The following HIVEP2 variants were observed in gnomAD, a reference collection of about 807,000 sequenced individuals.
HIVEP2 encodes the protein HIVEP zinc finger 2, also known as transcription factor HIVEP2.
Under a neutral mutation model 180.7 loss-of-function variants are expected in HIVEP2, and 14 were observed. The ratio of observed to expected loss-of-function variants is 0.08; its 90% CI spans 0.05 to 0.12. The LOEUF (loss-of-function observed/expected upper bound fraction) is 0.12. Ranked by LOEUF, HIVEP2 falls within the 10% of genes least tolerant of loss-of-function variation. HIVEP2 has a pLI of 1.00. For synonymous variants in HIVEP2, 1,184 were observed against 1,136.4 expected, an observed-to-expected ratio of 1.04 and a Z score of -0.84; for missense variants, 2,579 against 3,008.5, an observed-to-expected ratio of 0.86 and a Z score of 3.34.
intron 2 of HIVEP2, among the ~76,000 whole-genome samples, chr6:142,829,607 C>T (rs1181140356): frequency 6.6e-6 from 1 of 152,224 alleles, no homozygotes; most frequent in East Asian, 1.9e-4. Flanking sequence ...GGCTGAAATG[C>T]AGACTTACTC....
At chr6:142,833,709 T>C (rs1202574076) in intron 2 of HIVEP2, among the ~76,000 whole-genome samples, 1 of 152,256 alleles carries the variant, frequency 6.6e-6, no homozygotes, top group Middle Eastern at 3.4e-3. Flanking sequence ...AAAATAATTT[T>C]GGAAAAATGA....
chr6:142,803,493 C>T (rs930363054), intron 2 of HIVEP2, among the ~76,000 whole-genome samples: 1 of 151,182 alleles, frequency 6.6e-6, no homozygotes, highest in African/African-American at 2.4e-5. Context: ...TGTGAAGCAA[C>T]TGCTGTCTGC....
At chr6:142,886,529 GAC>G (rs1246416415) in intron 1 of HIVEP2, among the ~76,000 whole-genome samples, 3 of 152,132 alleles carry the variant, frequency 2.0e-5, no homozygotes, top group Non-Finnish European at 2.9e-5. Context: ...CAAATGTGCT[GAC>G]ACAATGAACA....
intron 7 of HIVEP2, among the ~76,000 whole-genome samples, chr6:142,761,852 A>C (rs1775247893): frequency 1.3e-5 from 2 of 152,218 alleles, no homozygotes; most frequent in South Asian, 4.1e-4. Flanking sequence ...AAGCAAGACT[A>C]GAAATCCCAG....
chr6:142,804,406 G>T (rs935467848), intron 2 of HIVEP2, among the ~76,000 whole-genome samples: 1 of 152,058 alleles, frequency 6.6e-6, no homozygotes, highest in Non-Finnish European at 1.5e-5. Context: ...AGAACATCAG[G>T]ATTCATAACT....
At chr6:142,791,124 G>A (rs2114722321) in intron 2 of HIVEP2, among the ~76,000 whole-genome samples, 1 of 152,132 alleles carries the variant, frequency 6.6e-6, no homozygotes, top group East Asian at 1.9e-4. Context: ...CCTGTGTAGA[G>A]ATATACAACC....
At chr6:142,867,099 CGT>C (rs1562271511) in intron 1 of HIVEP2, among the ~76,000 whole-genome samples, 1 of 152,024 alleles carries the variant, frequency 6.6e-6, no homozygotes, top group African/African-American at 2.4e-5. Context: ...AATAATTGGA[CGT>C]GTGTGTTAGT....
chr6:142,781,224 T>C (rs1220955224), intron 3 of HIVEP2, among the ~76,000 whole-genome samples: 1 of 152,196 alleles, frequency 6.6e-6, no homozygotes, highest in Admixed American at 6.5e-5. Context: ...TTAAAATATA[T>C]ACCAGGTTTC....
intron 1 of HIVEP2, among the ~76,000 whole-genome samples, chr6:142,878,981 C>T (rs533887186): frequency 2.0e-5 from 3 of 152,248 alleles, no homozygotes; most frequent in South Asian, 4.1e-4. Context: ...TGTCATCTAA[C>T]ATGTCTGATC....
At chr6:142,902,099 C>T (rs529413124) in intron 1 of HIVEP2, among the ~76,000 whole-genome samples, 1 of 152,286 alleles carries the variant, frequency 6.6e-6, no homozygotes, top group Admixed American at 6.5e-5. Context: ...TATTTCCTCC[C>T]TTCAAAGATA....
At chr6:142,892,308 A>G (rs1776879600) in intron 1 of HIVEP2, among the ~76,000 whole-genome samples, 1 of 152,192 alleles carries the variant, frequency 6.6e-6, no homozygotes, top group Non-Finnish European at 1.5e-5. Flanking sequence ...AAAAGAAGTC[A>G]TGTCTAAGGG....
intron 2 of HIVEP2, among the ~76,000 whole-genome samples, chr6:142,793,786 C>G (rs1365906689): frequency 6.6e-6 from 1 of 151,524 alleles, no homozygotes; most frequent in Admixed American, 6.6e-5. Flanking sequence ...TCTGCCTCAG[C>G]CTTTCAAGTA....
At chr6:142,858,883 C>T (rs1195102423) in intron 1 of HIVEP2, among the ~76,000 whole-genome samples, 1 of 152,116 alleles carries the variant, frequency 6.6e-6, no homozygotes. Context: ...TGTGAGCCAC[C>T]CTGCCCAGCC....
At chr6:142,854,046 T>C (rs536650630) in intron 1 of HIVEP2, among the ~76,000 whole-genome samples, 2 of 152,282 alleles carry the variant, frequency 1.3e-5, no homozygotes, top group East Asian at 3.9e-4. Flanking sequence ...ATGTTCTCAG[T>C]CTTTGTTTCT....
At chr6:142,899,769 A>T (rs1777085954) in intron 1 of HIVEP2, among the ~76,000 whole-genome samples, 1 of 152,144 alleles carries the variant, frequency 6.6e-6, no homozygotes, top group Non-Finnish European at 1.5e-5. Context: ...CCTCTCATCA[A>T]TAATCTTCTC....
rs929672380 is a variant in HIVEP2 at position 142,799,351 on chromosome 6, C to T, written c.-527-15736G>A. Among the ~76,000 whole-genome samples the T allele has an allele frequency of 8.6e-5, 13 of 151,974 alleles. No individual in the cohort carries two copies. In the South Asian group the frequency reaches 1.0e-3, roughly 12 times the overall value. ...CAACATTCTCGTCCTAAGTGCAGCC[C>T]GGGAGGAGACAGCGCTATCTATGGT... On this transcript the variant is annotated intron_variant, in intron 2 of 9. Transcript: ENST00000367603.
Position 142,793,519 on chromosome 6 carries a change from G to A in HIVEP2, c.-527-9904C>T, listed in dbSNP as rs76306346. On this transcript the variant is annotated intron_variant, in intron 2 of 9. Coordinates refer to ENST00000367603, the MANE Select transcript of HIVEP2 (RefSeq NM_006734.4). ...TGCTTGATACTATGGGCAGAGTAAG[G>A]TGTCAATTCTAGTATATTTAGCAAT... Among the ~76,000 whole-genome samples, 819 of 152,142 alleles carry A rather than the reference G, an allele frequency of 5.4e-3. 2 individuals are homozygous for A. Among genetic ancestry groups the A allele is most frequent in the African/African-American group, 0.019 (772 of 41,506 alleles).
chr6:142,887,867 G>A (rs1776744082), intron 1 of HIVEP2, among the ~76,000 whole-genome samples: 1 of 151,036 alleles, frequency 6.6e-6, no homozygotes, highest in African/African-American at 2.4e-5. Context: ...ATCAAACAAT[G>A]TAATCACCTG....
chr6:142,788,017 A>G (rs939428696), intron 2 of HIVEP2: 3 of 152,218 alleles, frequency 2.0e-5, no homozygotes, highest in Non-Finnish European at 2.9e-5. Context: ...CATATGGTCT[A>G]TTGCTGATTC....
Sources: allele counts gnomAD v4.1 joint callset (sites outside exome capture counted in the v4.1 genomes callset), GRCh38; gene constraint gnomAD v4.1.1; transcripts MANE v1.5; gene names NCBI Gene and HGNC (gene_info 2026-07-23, HGNC 2026-07-21).